Variants in TP53BP1 observed in about 807,000 individuals in gnomAD.
The protein encoded by TP53BP1 is tumor protein p53 binding protein 1, also known as TP53-binding protein 1.
TP53BP1 carries 61 observed loss-of-function variants against 200.8 expected under a neutral mutation model. The observed-to-expected ratio is 0.30, with a 90% CI of 0.25 to 0.38. The LOEUF (loss-of-function observed/expected upper bound fraction) is 0.38, where lower values mean the gene tolerates loss of function less well. Among genes scored for constraint, TP53BP1 ranks in the 10% least tolerant of loss-of-function variants. The probability of loss-of-function intolerance (pLI) is 1.00; values close to 1 mark genes in which losing one functional copy is unlikely to be tolerated. For missense variants in TP53BP1, 2,144 were observed against 2,371.9 expected (o/e 0.90, Z 2.00); for synonymous variants, 822 against 844.3 (o/e 0.97, Z 0.46).
At chr15:43,502,381 A>G (rs1247846726) in intron 1 of TP53BP1, among the ~76,000 whole-genome samples, 3 of 152,192 alleles carry the variant, frequency 2.0e-5, no homozygotes, top group Non-Finnish European at 2.9e-5. Context: ...TACTTCCACT[A>G]ACAACATATT....
At chr15:43,497,472 G>A (rs538648772), upstream of TP53BP1, 46 of 984,956 alleles carry the variant, frequency 4.7e-5, no homozygotes, top group Admixed American at 1.2e-4. Flanking sequence ...CCTGTGACTC[G>A]ATAAATCCTG....
intron 18 of TP53BP1, among the ~76,000 whole-genome samples, chr15:43,424,684 TGCTGG>T (rs1269333664): frequency 6.6e-6 from 1 of 152,218 alleles, no homozygotes; most frequent in Non-Finnish European, 1.5e-5. Flanking sequence ...GTTTGGGAAG[TGCTGG>T]GTTAAACAGA....
At chr15:43,422,252 C>A in intron 18 of TP53BP1, 126 bp from the exon 19 acceptor site, 1 of 1,140,032 alleles carries the variant, frequency 8.8e-7, no homozygotes, top group East Asian at 2.5e-5. Context: ...AGGAGACTTT[C>A]TGGAATAATG....
intron 24 of TP53BP1, among the ~76,000 whole-genome samples, chr15:43,410,674 A>C (rs1299529186): frequency 6.6e-6 from 1 of 152,146 alleles, no homozygotes; most frequent in Non-Finnish European, 1.5e-5. Flanking sequence ...AACCCAATCC[A>C]GTGCATAAGG....
Position 43,441,550 on chromosome 15 carries a change from G to A in TP53BP1, c.3074C>T (p.Thr1025Ile), listed in dbSNP as rs1361714559. ...PATGERKNGS[T>I]AVAESVASPQ... is the part of the protein sequence containing the mutation. ...CCTGGCAACAGACTCAGCAACAGCA[G>A]TAGATCCATTTTTTCTTTCACCAGT... Residue 1025 changes from threonine (T) to isoleucine (I), a missense_variant, in exon 15 of 28, where the codon ACT (threonine) becomes ATT (isoleucine). Around this residue, in one of 4 missense-constraint regions of TP53BP1, gnomAD observed 1,700 missense variants for 1,710.3 expected, o/e 0.99. Coordinates refer to ENST00000382044, the MANE Select transcript of TP53BP1 (RefSeq NM_001141980.3). 6.2e-7 allele frequency: 1 copy of A among 1,613,438 alleles called. No individual in the cohort carries two copies. The highest frequency in any genetic ancestry group is 1.1e-5 in the South Asian group (1 of 91,062).
chr15:43,456,013 A>C lies in TP53BP1; in HGVS notation c.2595T>G (p.Ser865Arg), dbSNP rs749272820. 6.2e-7 allele frequency: 1 copy of C among 1,614,112 alleles called. No homozygotes were observed. The highest frequency in any genetic ancestry group is 8.5e-7 in the Non-Finnish European group (1 of 1,180,024). Residue 865 changes from serine to arginine, a missense_variant, in exon 12 of 28, where the codon AGT becomes AGG. Ser to Arg is a moderately radical substitution (Grantham distance 110). Transcript: ENST00000382044. ...TTTTTGAGTCTTCTGTTAATGAATT[A>C]CTTGTTTTCTCCTGAGTTTGGGGCT... ...LQQPQTQEKTSNSLTEDSKMA... is the reference protein window; with the variant it reads ...LQQPQTQEKTRNSLTEDSKMA...
intron 22 of TP53BP1, among the ~76,000 whole-genome samples, 159 bp downstream of exon 22, chr15:43,416,066 A>C (rs930015212): frequency 2.0e-5 from 3 of 152,214 alleles, no homozygotes; most frequent in Non-Finnish European, 4.4e-5. Context: ...GAAACAGGTA[A>C]GGCAGCAGCT....
At chr15:43,426,059 C>T (rs1384954904) in intron 18 of TP53BP1, among the ~76,000 whole-genome samples, 3 of 136,432 alleles carry the variant, frequency 2.2e-5, no homozygotes, top group East Asian at 4.2e-4. Context: ...AGCGAGACTC[C>T]GTCTCAAAAA....
chr15:43,509,863 C>CAAAACAAA (rs760226834), intron 1 of TP53BP1, among the ~76,000 whole-genome samples: 1 of 151,770 alleles, frequency 6.6e-6, no homozygotes, highest in Non-Finnish European at 1.5e-5. Context: ...AAAAACAAAA[C>CAAAACAAA]AAAACAAAAA....
intron 11 of TP53BP1, 99 bp downstream of exon 11, chr15:43,469,759 C>T (rs2046677267): frequency 2.0e-6 from 2 of 997,000 alleles, no homozygotes; most frequent in South Asian, 1.6e-5. Context: ...CAAAATTATA[C>T]ATTTAAAACG....
chr15:43,457,036 TG>T lies in TP53BP1; in HGVS notation c.1571del (p.Thr524LysfsTer13), dbSNP rs776198903. 1 of 1,614,208 alleles carries T rather than the reference TG, an allele frequency of 6.2e-7. No individual in the cohort carries two copies. Among genetic ancestry groups the T allele is most frequent in the African/African-American group, 1.3e-5 (1 of 75,066 alleles). Reference protein sequence around the residue: ...TGDSCKLMLSTSEYSQSPKME... With the variant: ...TGDSCKLMLSXSEYSQSPKME... ...TCTTTGGGGACTGACTATATTCACT[TG>T]TAGAAAGCATCAACTTGCAAGAATC... On this transcript the variant is annotated frameshift_variant, in exon 12 of 28. Coordinates refer to ENST00000382044, the MANE Select transcript of TP53BP1 (RefSeq NM_001141980.3). LOFTEE classifies it high-confidence loss of function.
chr15:43,419,775 T>C lies in TP53BP1; in HGVS notation c.4681+530A>G, dbSNP rs554743573. 3.3e-5 allele frequency among the ~76,000 whole-genome samples: 5 copies of C among 152,112 alleles called. No homozygotes were observed. The South Asian group carries it at 1.0e-3, about 32-fold the overall frequency. ...ATGGAGGGACATTCCACAAAATACCTGACCAGGACTCCCCAAAACTGTCAA... is the reference window on the plus strand; with the variant it reads ...ATGGAGGGACATTCCACAAAATACCCGACCAGGACTCCCCAAAACTGTCAA... On this transcript the variant is annotated intron_variant, in intron 21 of 27. Coordinates refer to ENST00000382044, the MANE Select transcript of TP53BP1 (RefSeq NM_001141980.3).
intron 10 of TP53BP1, among the ~76,000 whole-genome samples, chr15:43,472,736 T>A (rs1183915821): frequency 6.6e-6 from 1 of 152,230 alleles, no homozygotes; most frequent in Non-Finnish European, 1.5e-5. Context: ...CCATACTAAT[T>A]CATTTCAGTT....
intron 6 of TP53BP1, 69 bp downstream of exon 6, chr15:43,479,790 G>T: frequency 6.4e-7 from 1 of 1,563,116 alleles, no homozygotes; most frequent in Non-Finnish European, 8.7e-7. Flanking sequence ...ACTTATCAAA[G>T]AAAAAATAAC....
rs896737450 is a variant in TP53BP1, at chr15:43,403,641, A to G, written c.*3742T>C. On this transcript the variant is annotated 3_prime_UTR_variant, in exon 28 of 28. Transcript: ENST00000382044. Reference sequence around the variant, plus strand: ...CCTAACACTTTAACTTCATGGATGTACCTTCCTTCCTTTCCTAATGCCAAC... The same window carrying G: ...CCTAACACTTTAACTTCATGGATGTGCCTTCCTTCCTTTCCTAATGCCAAC... 2.1e-6 allele frequency: 3 copies of G among 1,407,116 alleles called. No individual in the cohort carries two copies. Among genetic ancestry groups the G allele is most frequent in the Non-Finnish European group, 2.0e-6 (2 of 996,764 alleles). 87.2% of individuals were successfully genotyped at this position (1,407,116 alleles called of 1,614,324 possible). A position where few individuals can be genotyped will look rare whatever the true frequency, so the allele number is the denominator to read the frequency against.
chr15:43,470,056 C>T lies in TP53BP1; in HGVS notation c.1191G>A (p.Met397Ile). Reference sequence around the variant, plus strand: ...CTTCTTCAGATAACACTGACGTGTCCATTGGCTTATCTGGTTTAAAACAGG... The same window carrying T: ...CTTCTTCAGATAACACTGACGTGTCTATTGGCTTATCTGGTTTAAAACAGG... ...TEQEGRQDKP[M>I]DTSVLSEEGG... Residue 397 changes from methionine to isoleucine, a missense_variant, in exon 11 of 28, where the codon ATG becomes ATA. Met to Ile is a conservative substitution (Grantham distance 10). Coordinates refer to ENST00000382044, the MANE Select transcript of TP53BP1 (RefSeq NM_001141980.3). 1.2e-6 allele frequency: 2 copies of T among 1,612,630 alleles called. No homozygotes were observed. The highest frequency in any genetic ancestry group is 1.7e-6 in the Non-Finnish European group (2 of 1,179,882).
chr15:43,407,114 C>T lies in TP53BP1; in HGVS notation c.*269G>A, dbSNP rs1224696266. ...TTTTCAATTTCCTTGGCCAGCTGTC[C>T]TCCGTAAGTGAATAAGCCTGTTGAA... On this transcript the variant is annotated 3_prime_UTR_variant, in exon 28 of 28. Transcript: ENST00000382044. The T allele has an allele frequency of 8.2e-6, 3 of 363,974 alleles. No homozygotes were observed. The highest frequency in any genetic ancestry group is 1.0e-5 in the Non-Finnish European group (2 of 197,946). 22.5% of individuals were successfully genotyped at this position (363,974 alleles called of 1,614,324 possible). A position where few individuals can be genotyped will look rare whatever the true frequency, so the allele number is the denominator to read the frequency against.
chr15:43,414,458 A>C (rs1270674890), intron 23 of TP53BP1, among the ~76,000 whole-genome samples: 1 of 152,222 alleles, frequency 6.6e-6, no homozygotes, highest in South Asian at 2.1e-4. Context: ...AGGAAACAAA[A>C]GAAGCTCTGG....
At chr15:43,480,828 A>G in intron 5 of TP53BP1, 67 bp downstream of exon 5, 2 of 1,531,750 alleles carry the variant, frequency 1.3e-6, no homozygotes, top group South Asian at 1.2e-5. Flanking sequence ...AGAAATTTAG[A>G]CATCTGCACA....
Sources: gnomAD v4.1 joint callset for allele counts (sites outside exome capture counted in the v4.1 genomes callset) on GRCh38, gnomAD v4.1.1 for gene constraint, gnomAD v4.1.1 regional missense constraint, MANE v1.5 for transcripts, NCBI Gene and HGNC (gene_info 2026-07-23, HGNC 2026-07-21) for gene names.